Variants in ATG7 observed in about 807,000 individuals in gnomAD.
ATG7 encodes the protein ubiquitin-like modifier-activating enzyme ATG7.
Under a neutral mutation model 82.4 loss-of-function variants are expected in ATG7, and 70 were observed. The ratio of observed to expected loss-of-function variants is 0.85; its 90% CI spans 0.70 to 1.04. The LOEUF (loss-of-function observed/expected upper bound fraction) is 1.04, where lower values mean the gene tolerates loss of function less well. Among genes scored for constraint, ATG7 ranks in the 50% least tolerant of loss-of-function variants. ATG7 has a pLI of 0.00. For missense variants in ATG7, 792 were observed against 864.3 expected, an observed-to-expected ratio of 0.92 and a Z score of 1.05; for synonymous variants, 287 against 313.0, an observed-to-expected ratio of 0.92 and a Z score of 0.88.
chr3:11,412,693 G>A (rs1465564812), intron 19 of ATG7, among the ~76,000 whole-genome samples: 1 of 151,964 alleles, frequency 6.6e-6, no homozygotes, highest in Non-Finnish European at 1.5e-5. Flanking sequence ...ATGAATTTTA[G>A]GATGGCTTTT....
intron 11 of ATG7, among the ~76,000 whole-genome samples, chr3:11,336,308 A>G (rs1018901822): frequency 2.6e-5 from 4 of 152,102 alleles, no homozygotes; most frequent in Non-Finnish European, 5.9e-5. Context: ...TGCTAGGATT[A>G]CAGGCGTGAG....
chr3:11,524,879 G>A (rs1319395977), intron 20 of ATG7, among the ~76,000 whole-genome samples: 2 of 152,136 alleles, frequency 1.3e-5, no homozygotes, highest in Non-Finnish European at 2.9e-5. Flanking sequence ...GTGAGGTTCT[G>A]TGTCTTACAG....
intron 20 of ATG7, among the ~76,000 whole-genome samples, chr3:11,541,859 C>T (rs1320930902): frequency 2.6e-5 from 4 of 152,258 alleles, no homozygotes; most frequent in Admixed American, 1.3e-4. Context: ...AACCATTTCA[C>T]AACCTTCAGC....
At chr3:11,448,339 G>A (rs866610225) in intron 20 of ATG7, among the ~76,000 whole-genome samples, 14 of 152,110 alleles carry the variant, frequency 9.2e-5, no homozygotes, top group Middle Eastern at 3.4e-3. Context: ...CTCTTGGGGC[G>A]GGGAAGGGGA....
intron 20 of ATG7, among the ~76,000 whole-genome samples, chr3:11,441,695 C>A (rs1180500251): frequency 1.5e-5 from 2 of 133,958 alleles, no homozygotes; most frequent in Non-Finnish European, 3.1e-5. Flanking sequence ...GAGACAGAGT[C>A]TTGCTCTGTT....
chr3:11,332,658 G>T (rs1418387527), intron 10 of ATG7: 2 of 170,550 alleles, frequency 1.2e-5, no homozygotes, highest in African/African-American at 2.4e-5. Flanking sequence ...TTTTCTAAAT[G>T]TCTTGTGAGC....
At chr3:11,524,246 C>A (rs2092516004) in intron 20 of ATG7, among the ~76,000 whole-genome samples, 1 of 152,170 alleles carries the variant, frequency 6.6e-6, no homozygotes, top group South Asian at 2.1e-4. Flanking sequence ...GAAACACAGA[C>A]AAAGGAAGGC....
intron 20 of ATG7, among the ~76,000 whole-genome samples, chr3:11,469,853 G>A (rs2087252703): frequency 1.3e-5 from 2 of 151,776 alleles, no homozygotes; most frequent in South Asian, 2.1e-4. Flanking sequence ...AGCCAGGCAT[G>A]GTGGCATGTA....
Position 11,342,193 on chromosome 3 carries a change from A to C in ATG7, c.1039A>C (p.Thr347Pro). 4 of 1,613,460 alleles carry C rather than the reference A, an allele frequency of 2.5e-6. No homozygotes were observed. The highest frequency in any genetic ancestry group is 3.4e-6 in the Non-Finnish European group (4 of 1,179,968). Residue 347 changes from threonine (T) to proline (P), a missense_variant, in exon 13 of 21, where the codon ACT (threonine) becomes CCT (proline). Transcript: ENST00000693202. ...LKLMCWRLVP[T>P]LDLDKVVSVK... ...ACTGATGTGTTGGAGATTGGTTCCT[A>C]CTTTAGACTTGGACAAGGTTGTGTC...
Position 11,298,826 on chromosome 3 carries a change from C to T in ATG7, c.131C>T (p.Pro44Leu). 2 of 1,614,120 alleles carry T rather than the reference C, an allele frequency of 1.2e-6. No individual in the cohort carries two copies. Among genetic ancestry groups the T allele is most frequent in the Non-Finnish European group, 1.7e-6 (2 of 1,180,028 alleles). ...AACGAGTATCGGCTGGATGAAGCTCCCAAGGACATTAAGGGTTATTACTAC... is the reference window on the plus strand; with the variant it reads ...AACGAGTATCGGCTGGATGAAGCTCTCAAGGACATTAAGGGTTATTACTAC... ...KLNEYRLDEAPKDIKGYYYNG... is the reference protein window; with the variant it reads ...KLNEYRLDEALKDIKGYYYNG... The change falls in exon 4 of 21, where the codon CCC (proline) becomes CTC (leucine). Residue 44 changes from proline (P) to leucine (L), a missense_variant. Transcript: ENST00000693202.
intron 6 of ATG7, chr3:11,308,735 T>C: frequency 7.3e-6 from 4 of 550,192 alleles, no homozygotes; most frequent in East Asian, 3.1e-5. Context: ...GCCCCCTCGG[T>C]GCTGAGATCT....
At position 11,451,212 on chromosome 3, in the gene ATG7, CTT is replaced by C. The variant is rs34036551; in HGVS notation, c.2079+24303_2079+24304del. Among the ~76,000 whole-genome samples the C allele has an allele frequency of 5.4e-3, 651 of 120,512 alleles. 2 individuals carry two copies. Among genetic ancestry groups the C allele is most frequent in the Middle Eastern group, 0.013 (3 of 224 alleles). The allele number at this position is 120,512 out of a possible 152,430, so 79.1% of individuals were successfully genotyped here. ...GATAAAATAGAAGTAAAGGTTGACA[CTT>C]TTTTTTTTTTTTTTTTGAGATCTAT... On this transcript the variant is annotated intron_variant, in intron 20 of 20. Coordinates refer to ENST00000693202, the MANE Select transcript of ATG7 (RefSeq NM_001349232.2).
intron 19 of ATG7, among the ~76,000 whole-genome samples, chr3:11,401,589 G>T (rs945833600): frequency 1.3e-5 from 2 of 152,142 alleles, no homozygotes; most frequent in African/African-American, 2.4e-5. Flanking sequence ...TAACTTAGGG[G>T]TTTTTTAAAT....
At chr3:11,424,815 T>A (rs2082225464) in intron 19 of ATG7, among the ~76,000 whole-genome samples, 1 of 152,184 alleles carries the variant, frequency 6.6e-6, no homozygotes, top group Admixed American at 6.5e-5. Context: ...CATCCATGCA[T>A]TTCTTCTTCT....
chr3:11,326,362 G>C (rs1054213482), intron 9 of ATG7, among the ~76,000 whole-genome samples: 9 of 151,736 alleles, frequency 5.9e-5, no homozygotes, highest in Admixed American at 5.9e-4. Context: ...GCAGTGGCCC[G>C]ATCTTGGCTC....
chr3:11,564,189 A>C, the ATG7 span, among the ~76,000 whole-genome samples: 2 of 152,218 alleles, frequency 1.3e-5, no homozygotes, highest in African/African-American at 2.4e-5. Context: ...CCATTTTTAA[A>C]AAGATTTGTT....
intron 19 of ATG7, among the ~76,000 whole-genome samples, chr3:11,389,102 G>A (rs940668925): frequency 2.0e-4 from 30 of 151,750 alleles, no homozygotes; most frequent in Admixed American, 2.0e-3. Context: ...ACAAAAATTA[G>A]CCACACTTGT....
At chr3:11,464,086 A>C (rs1368419457) in intron 20 of ATG7, among the ~76,000 whole-genome samples, 1 of 152,192 alleles carries the variant, frequency 6.6e-6, no homozygotes, top group Non-Finnish European at 1.5e-5. Flanking sequence ...TTTGTAAAAA[A>C]ATTGGCCAGG....
At chr3:11,370,865 T>A (rs754121975) in intron 18 of ATG7, among the ~76,000 whole-genome samples, 4 of 151,160 alleles carry the variant, frequency 2.6e-5, no homozygotes, top group East Asian at 1.9e-4. Flanking sequence ...GTTTTTTTTT[T>A]AATTCCTCTA....
Sources: allele counts gnomAD v4.1 joint callset (sites outside exome capture counted in the v4.1 genomes callset), GRCh38; gene constraint gnomAD v4.1.1; transcripts MANE v1.5; gene names NCBI Gene and HGNC (gene_info 2026-07-23, HGNC 2026-07-21).